Variants in PRKAR2A observed in about 807,000 individuals in gnomAD.
PRKAR2A encodes the protein protein kinase cAMP-dependent type II regulatory subunit alpha.
In PRKAR2A, 29 loss-of-function variants were observed where a neutral mutation model predicts 51.9. The observed-to-expected ratio is 0.56, with a 90% CI of 0.42 to 0.76. The LOEUF is 0.76. Ranked by LOEUF, PRKAR2A falls within the 30% of genes least tolerant of loss-of-function variation. PRKAR2A has a pLI of 0.00. For synonymous variants in PRKAR2A, 178 were observed against 186.2 expected (o/e 0.96, Z 0.36); for missense variants, 445 against 512.1 (o/e 0.87, Z 1.26).
downstream of PRKAR2A, among the ~76,000 whole-genome samples, chr3:48,745,527 GTTTTTTTTTTT>G (rs34668049): frequency 1.4e-5 from 1 of 70,422 alleles, no homozygotes; most frequent in African/African-American, 5.8e-5. Context: ...TTTGGATAAG[GTTTTTTTTTTT>G]TTTTTTTTTT....
intron 1 of PRKAR2A, among the ~76,000 whole-genome samples, chr3:48,831,946 A>G (rs1353327445): frequency 6.6e-6 from 1 of 152,102 alleles, no homozygotes; most frequent in Non-Finnish European, 1.5e-5. Flanking sequence ...GAATTTCTAC[A>G]TCGTTAGTAA....
intron 4 of PRKAR2A, among the ~76,000 whole-genome samples, chr3:48,787,153 ATTATTTATTTATTTAT>A (rs56116620): frequency 2.6e-4 from 39 of 149,802 alleles, no homozygotes; most frequent in Non-Finnish European, 4.9e-4. Context: ...GAGAAAAGTA[ATTATTTATTTATTTAT>A]TTATTTATTT....
At chr3:48,783,424 T>C (rs902069539) in intron 4 of PRKAR2A, among the ~76,000 whole-genome samples, 4 of 152,178 alleles carry the variant, frequency 2.6e-5, no homozygotes, top group Non-Finnish European at 1.5e-5. Flanking sequence ...CTATGTCATG[T>C]GTAAAGTCAT....
intron 4 of PRKAR2A, among the ~76,000 whole-genome samples, chr3:48,786,776 A>G (rs2082301102): frequency 6.6e-6 from 1 of 152,190 alleles, no homozygotes; most frequent in South Asian, 2.1e-4. Context: ...AGAAAAATGG[A>G]TAAATTGGTA....
chr3:48,780,171 A>C (rs1036028500), intron 5 of PRKAR2A, among the ~76,000 whole-genome samples: 3 of 151,878 alleles, frequency 2.0e-5, no homozygotes, highest in Admixed American at 6.6e-5. Context: ...CCCAAAAAAA[A>C]ACAAAAAAAC....
In PRKAR2A at chr3:48,799,352, C is replaced by T. The variant is rs939721984; in HGVS notation, c.299-5303G>A. Among the ~76,000 whole-genome samples the T allele has an allele frequency of 3.9e-5, 6 of 152,132 alleles. No homozygotes were observed. In the South Asian group the frequency reaches 1.2e-3, roughly 31 times the overall value. ...AGGATCACTTTAGAAGGACATCAGT[C>T]CTATTAGATTAGGGTTCTACCCTAT... On this transcript the variant is annotated intron_variant, in intron 2 of 10. Transcript: ENST00000265563.
At chr3:48,780,564 C>G (rs1336120639) in intron 5 of PRKAR2A, among the ~76,000 whole-genome samples, 1 of 145,580 alleles carries the variant, frequency 6.9e-6, no homozygotes, top group Non-Finnish European at 1.5e-5. Flanking sequence ...GATCGCGCCA[C>G]TGCACTCCAG....
intron 1 of PRKAR2A, among the ~76,000 whole-genome samples, chr3:48,832,060 G>C (rs563646197): frequency 3.9e-5 from 6 of 152,152 alleles, no homozygotes; most frequent in Admixed American, 2.0e-4. Context: ...TTGGGAGGCC[G>C]AGGCAGGTAG....
In PRKAR2A at chr3:48,803,460, T is replaced by C. The variant is rs191713471; in HGVS notation, c.298+4189A>G. Among the ~76,000 whole-genome samples, 51 of 152,298 alleles carry C rather than the reference T, an allele frequency of 3.3e-4. 2 individuals are homozygous for C. The highest frequency in any genetic ancestry group is 3.3e-3 in the Admixed American group (50 of 15,296). On this transcript the variant is annotated intron_variant, in intron 2 of 10. Transcript: ENST00000265563. The stretch of plus-strand genomic sequence containing the variant: ...GTTTATTTATTTAGAGTCTTGCTCT[T>C]GTCACCCAGGCTGGAGTGCAATGGC...
Position 48,751,240 on chromosome 3 carries a change from C to T in PRKAR2A, c.*345G>A. 2.1e-6 allele frequency: 1 copy of T among 472,972 alleles called. No homozygotes were observed. The highest frequency in any genetic ancestry group is 4.2e-6 in the Non-Finnish European group (1 of 238,616). The allele number at this position is 472,972 out of a possible 1,614,324, so 29.3% of individuals were successfully genotyped here. ...TGGTAACTTCCAAAAGCAAGAGTAG[C>T]AGCAAGAGAGGAAAGGAGCATGTTT... On this transcript the variant is annotated 3_prime_UTR_variant, in exon 11 of 11. Transcript: ENST00000265563.
At chr3:48,780,457 G>A (rs2082175243) in intron 5 of PRKAR2A, among the ~76,000 whole-genome samples, 3 of 151,724 alleles carry the variant, frequency 2.0e-5, no homozygotes, top group East Asian at 2.0e-4. Context: ...CAAAAAATTA[G>A]CCGGGCATGG....
At chr3:48,770,839 A>C (rs2082019130) in intron 6 of PRKAR2A, among the ~76,000 whole-genome samples, 1 of 152,184 alleles carries the variant, frequency 6.6e-6, no homozygotes, top group Admixed American at 6.5e-5. Flanking sequence ...CCATGTATTT[A>C]ATCCTCATAC....
At chr3:48,801,420 C>T (rs1484978046) in intron 2 of PRKAR2A, among the ~76,000 whole-genome samples, 2 of 150,768 alleles carry the variant, frequency 1.3e-5, no homozygotes, top group African/African-American at 2.4e-5. Flanking sequence ...CCCGAAGTGC[C>T]GGGATTACAG....
intron 1 of PRKAR2A, among the ~76,000 whole-genome samples, chr3:48,823,820 C>T (rs1288551155): frequency 2.0e-5 from 3 of 151,140 alleles, no homozygotes; most frequent in Non-Finnish European, 4.4e-5. Flanking sequence ...AATCTTCTAC[C>T]AGAAATCAAG....
chr3:48,845,097 ATGACAG>A (rs1261996871), intron 1 of PRKAR2A, among the ~76,000 whole-genome samples: 1 of 152,196 alleles, frequency 6.6e-6, no homozygotes, highest in Non-Finnish European at 1.5e-5. Context: ...ATTTACAGAG[ATGACAG>A]TGAAACAAAC....
intron 5 of PRKAR2A, among the ~76,000 whole-genome samples, chr3:48,780,489 G>C (rs568119809): frequency 3.2e-4 from 48 of 151,614 alleles, no homozygotes; most frequent in African/African-American, 1.0e-3. Context: ...TGTAGTCCCA[G>C]CTACTCGGGA....
chr3:48,794,444 C>A (rs895074717), intron 2 of PRKAR2A, among the ~76,000 whole-genome samples: 1 of 152,064 alleles, frequency 6.6e-6, no homozygotes, highest in African/African-American at 2.4e-5. Flanking sequence ...TGCCTATAAT[C>A]CCAGCACTCT....
chr3:48,787,106 C>G (rs2082305311), intron 4 of PRKAR2A, among the ~76,000 whole-genome samples: 1 of 152,036 alleles, frequency 6.6e-6, no homozygotes, highest in Non-Finnish European at 1.5e-5. Context: ...AACATGGGAT[C>G]CTGGACTGGA....
intron 1 of PRKAR2A, among the ~76,000 whole-genome samples, chr3:48,844,854 T>C (rs2083437794): frequency 7.4e-6 from 1 of 134,530 alleles, no homozygotes; most frequent in African/African-American, 2.7e-5. Flanking sequence ...GGGGGAGGGA[T>C]AGCATTAGGA....
Sources: allele counts gnomAD v4.1 joint callset (sites outside exome capture counted in the v4.1 genomes callset), GRCh38; gene constraint gnomAD v4.1.1; transcripts MANE v1.5; gene names NCBI Gene and HGNC (gene_info 2026-07-23, HGNC 2026-07-21).